Variants in TOX observed in about 807,000 individuals in gnomAD.
TOX encodes thymocyte selection associated high mobility group box.
A neutral mutation model predicts 53.7 loss-of-function variants in TOX; 11 were observed. The observed-to-expected ratio is 0.20, with a 90% CI of 0.13 to 0.34. The LOEUF is 0.34. Ranked by LOEUF, TOX falls within the 10% of genes least tolerant of loss-of-function variation. The pLI, the probability that TOX is intolerant of heterozygous loss-of-function variation, is 1.00. For missense variants in TOX, 570 were observed against 664.6 expected (o/e 0.86, Z 1.56); for synonymous variants, 225 against 245.3 (o/e 0.92, Z 0.77).
At chr8:58,862,048 C>A (rs1298594395) in intron 3 of TOX, among the ~76,000 whole-genome samples, 1 of 152,076 alleles carries the variant, frequency 6.6e-6, no homozygotes, top group Non-Finnish European at 1.5e-5. Context: ...AAGAAAAGTA[C>A]AATTTTTACA....
At chr8:58,882,533 T>G (rs998101474) in intron 3 of TOX, among the ~76,000 whole-genome samples, 11 of 152,258 alleles carry the variant, frequency 7.2e-5, no homozygotes, top group Non-Finnish European at 1.5e-4. Flanking sequence ...TGCTTTGCTC[T>G]GCAATTGTCT....
At chr8:58,901,971 G>A (rs1012592601) in intron 3 of TOX, among the ~76,000 whole-genome samples, 1 of 152,132 alleles carries the variant, frequency 6.6e-6, no homozygotes, top group Non-Finnish European at 1.5e-5. Context: ...TTGTCCAATG[G>A]GAAAGGTGTT....
intron 1 of TOX, among the ~76,000 whole-genome samples, chr8:59,082,378 T>G (rs1194028235): frequency 6.6e-6 from 1 of 152,224 alleles, no homozygotes; most frequent in Non-Finnish European, 1.5e-5. Context: ...AGATGGGTAG[T>G]TTCCTCGCAT....
In TOX at chr8:59,005,299, A is replaced by C. The variant is rs532242611; in HGVS notation, c.103-45291T>G. ...GTGATCCACCTGCCTCGGCCTCCCA[A>C]AGTGCTGGGATTACAGGAGTGAGCC... On this transcript the variant is annotated intron_variant, in intron 1 of 8. Coordinates refer to ENST00000361421, the MANE Select transcript of TOX (RefSeq NM_014729.3). Among the ~76,000 whole-genome samples, 4 of 152,242 alleles carry C rather than the reference A, an allele frequency of 2.6e-5. No individual in the cohort carries two copies. In the East Asian group the frequency reaches 7.7e-4, roughly 29 times the overall value.
intron 1 of TOX, among the ~76,000 whole-genome samples, chr8:59,078,727 T>C (rs1804337795): frequency 6.6e-6 from 1 of 152,216 alleles, no homozygotes; most frequent in South Asian, 2.1e-4. Flanking sequence ...TACCTGAGAA[T>C]GTGGAAGCAA....
chr8:58,940,718 C>G (rs978533838), intron 2 of TOX, among the ~76,000 whole-genome samples: 1 of 152,022 alleles, frequency 6.6e-6, no homozygotes, highest in African/African-American at 2.4e-5. Flanking sequence ...AGGGTGGGAG[C>G]CAAATAAAGT....
intron 1 of TOX, among the ~76,000 whole-genome samples, chr8:59,066,857 G>A (rs1182144645): frequency 1.3e-5 from 2 of 152,242 alleles, no homozygotes; most frequent in East Asian, 1.9e-4. Context: ...AACTCATTAT[G>A]ACCAAAAGCT....
At chr8:58,912,590 G>A (rs894787233) in intron 3 of TOX, among the ~76,000 whole-genome samples, 1 of 152,240 alleles carries the variant, frequency 6.6e-6, no homozygotes, top group Non-Finnish European at 1.5e-5. Flanking sequence ...ATTTCTGATT[G>A]AAAAGGTCTG....
chr8:58,862,182 T>C (rs1811022749), intron 3 of TOX, among the ~76,000 whole-genome samples: 2 of 152,308 alleles, frequency 1.3e-5, no homozygotes, highest in Non-Finnish European at 2.9e-5. Context: ...ATGGTATTAA[T>C]AACTTGGAAC....
At chr8:58,950,740 C>T (rs562734474) in intron 2 of TOX, among the ~76,000 whole-genome samples, 1 of 152,134 alleles carries the variant, frequency 6.6e-6, no homozygotes, top group African/African-American at 2.4e-5. Flanking sequence ...AGTTTATCTT[C>T]TGGAGGGGAA....
intron 4 of TOX, among the ~76,000 whole-genome samples, chr8:58,838,700 T>G (rs1251327513): frequency 7.2e-5 from 1 of 13,806 alleles, no homozygotes; most frequent in Non-Finnish European, 1.7e-4. Flanking sequence ...TATCCTTGTC[T>G]TTTTTTTTTT....
At chr8:58,976,741 T>C (rs1230920604) in intron 1 of TOX, among the ~76,000 whole-genome samples, 2 of 152,240 alleles carry the variant, frequency 1.3e-5, no homozygotes, top group Non-Finnish European at 2.9e-5. Context: ...AGAATGGATG[T>C]TATGCTAACA....
intron 1 of TOX, among the ~76,000 whole-genome samples, chr8:58,983,357 A>G (rs1469475764): frequency 6.6e-6 from 1 of 152,204 alleles, no homozygotes; most frequent in Non-Finnish European, 1.5e-5. Context: ...GAGAATTTGC[A>G]TGTCTCAGGT....
At chr8:58,899,370 G>C (rs1042516140) in intron 3 of TOX, among the ~76,000 whole-genome samples, 5 of 152,116 alleles carry the variant, frequency 3.3e-5, no homozygotes, top group Non-Finnish European at 7.4e-5. Flanking sequence ...TTAGACACCA[G>C]TCTTTTTAAA....
At chr8:59,029,857 G>C (rs892803966) in intron 1 of TOX, among the ~76,000 whole-genome samples, 6 of 152,086 alleles carry the variant, frequency 3.9e-5, no homozygotes, top group African/African-American at 7.2e-5. Context: ...AATTAATTCA[G>C]ATGTTCAGCC....
At chr8:58,873,643 C>G (rs1483485809) in intron 3 of TOX, among the ~76,000 whole-genome samples, 1 of 152,120 alleles carries the variant, frequency 6.6e-6, no homozygotes, top group Non-Finnish European at 1.5e-5. Flanking sequence ...GTGTGTCAAT[C>G]AAAGTGCAGC....
intron 4 of TOX, among the ~76,000 whole-genome samples, chr8:58,847,412 TA>T (rs1810735892): frequency 6.6e-6 from 1 of 152,154 alleles, no homozygotes; most frequent in African/African-American, 2.4e-5. Context: ...TATTTGAGAT[TA>T]AAATTGCAAT....
At chr8:59,008,194 T>C (rs998746230) in intron 1 of TOX, among the ~76,000 whole-genome samples, 2 of 152,344 alleles carry the variant, frequency 1.3e-5, no homozygotes, top group African/African-American at 4.8e-5. Flanking sequence ...AAATGATCTG[T>C]GTGTTTGCTT....
At chr8:59,015,768 T>C (rs57859244) in intron 1 of TOX, among the ~76,000 whole-genome samples, 1 of 152,050 alleles carries the variant, frequency 6.6e-6, no homozygotes, top group Non-Finnish European at 1.5e-5. Flanking sequence ...AGGAAAACAA[T>C]AAAAAATCAG....
Sources: gnomAD v4.1 joint callset for allele counts (sites outside exome capture counted in the v4.1 genomes callset) on GRCh38, gnomAD v4.1.1 for gene constraint, MANE v1.5 for transcripts, NCBI Gene and HGNC (gene_info 2026-07-23, HGNC 2026-07-21) for gene names.